The following DGCR2 variants were observed in gnomAD, a reference collection of about 807,000 sequenced individuals.
The protein encoded by DGCR2 is DiGeorge syndrome critical region gene 2, also known as integral membrane protein DGCR2/IDD.
DGCR2 carries 24 observed loss-of-function variants against 51.6 expected under a neutral mutation model. That is an observed-to-expected ratio of 0.47 (90% CI 0.34 to 0.65). DGCR2 has a LOEUF of 0.65. Among genes scored for constraint, DGCR2 ranks in the 30% least tolerant of loss-of-function variants. The pLI is 0.01. For synonymous variants in DGCR2, 340 were observed against 315.4 expected (o/e 1.08, Z -0.82); for missense variants, 765 against 772.1 (o/e 0.99, Z 0.11).
intron 2 of DGCR2, among the ~76,000 whole-genome samples, chr22:19,085,127 T>C (rs1414476777): frequency 2.1e-5 from 3 of 144,636 alleles, no homozygotes; most frequent in African/African-American, 2.6e-5. Context: ...AAAACAAAGA[T>C]GGTTCCACTG....
At position 19,039,108 on chromosome 22, in the gene DGCR2, A is replaced by G. The variant is rs745805181; in HGVS notation, c.1410T>C (p.Phe470=). The change falls in exon 10 of 10, where the codon TTT becomes TTC. Residue 470 remains phenylalanine (F), a synonymous_variant. Coordinates refer to ENST00000263196, the MANE Select transcript of DGCR2 (RefSeq NM_005137.3). The part of the protein sequence containing the change: ...VFYDPADDDA[F]EPVEVSLPAP... ...CTGGCAGGCTGACCTCCACAGGCTC[A>G]AAAGCATCATCGTCTGCAGGAAGAG... 1 of 1,613,076 alleles carries G rather than the reference A, an allele frequency of 6.2e-7. No homozygotes were observed. The highest frequency in any genetic ancestry group is 1.1e-5 in the South Asian group (1 of 91,078).
intron 2 of DGCR2, among the ~76,000 whole-genome samples, chr22:19,072,235 A>C (rs1201162311): frequency 6.6e-6 from 1 of 152,174 alleles, no homozygotes; most frequent in Non-Finnish European, 1.5e-5. Context: ...TCTTCCACTA[A>C]GCTCTCAGAA....
At chr22:19,052,455 A>AG (rs1237000576) in intron 6 of DGCR2, among the ~76,000 whole-genome samples, 4 of 151,532 alleles carry the variant, frequency 2.6e-5, no homozygotes, top group African/African-American at 9.7e-5. Flanking sequence ...AAAAAAAGAA[A>AG]AAAGAAAACA....
intron 1 of DGCR2, 145 bp downstream of exon 1, chr22:19,121,983 C>A: frequency 2.5e-6 from 1 of 398,280 alleles, no homozygotes. Flanking sequence ...GCAGAGAGTG[C>A]CAGGCGGCCC....
intron 4 of DGCR2, among the ~76,000 whole-genome samples, chr22:19,063,887 G>C (rs2082717466): frequency 6.6e-6 from 1 of 152,182 alleles, no homozygotes; most frequent in Non-Finnish European, 1.5e-5. Context: ...GCACTCCACA[G>C]GGGAGATTTT....
chr22:19,073,636 T>C (rs546593009), intron 2 of DGCR2, among the ~76,000 whole-genome samples: 1 of 152,262 alleles, frequency 6.6e-6, no homozygotes, highest in Non-Finnish European at 1.5e-5. Flanking sequence ...AACACTGGTG[T>C]TGGAGTAAAA....
chr22:19,059,913 G>A (rs1263078360), intron 5 of DGCR2, among the ~76,000 whole-genome samples: 1 of 152,016 alleles, frequency 6.6e-6, no homozygotes, highest in Non-Finnish European at 1.5e-5. Flanking sequence ...CCCATTGTTC[G>A]AGTGGTGGGG....
chr22:19,063,163 G>T, intron 5 of DGCR2, 39 bp downstream of exon 5: 1 of 1,590,742 alleles, frequency 6.3e-7, no homozygotes, highest in Non-Finnish European at 8.6e-7. Context: ...GGGTGACTCT[G>T]CCCAGCTTCA....
intron 1 of DGCR2, among the ~76,000 whole-genome samples, chr22:19,105,388 G>T (rs2083251082): frequency 6.6e-6 from 1 of 152,180 alleles, no homozygotes; most frequent in African/African-American, 2.4e-5. Flanking sequence ...ACAAAACAGA[G>T]GGCATATTGC....
At chr22:19,060,088 C>T (rs2082644483) in intron 5 of DGCR2, among the ~76,000 whole-genome samples, 1 of 152,222 alleles carries the variant, frequency 6.6e-6, no homozygotes, top group Non-Finnish European at 1.5e-5. Flanking sequence ...TGTCTCCCCT[C>T]CAAGAACTGT....
At chr22:19,052,414 TCACACA>T (rs34670843) in intron 6 of DGCR2, among the ~76,000 whole-genome samples, 5,455 of 148,622 alleles carry the variant, frequency 0.037, 297 homozygotes, top group African/African-American at 0.13. Context: ...AGACTCTGTC[TCACACA>T]CACACACACA....
intron 5 of DGCR2, among the ~76,000 whole-genome samples, chr22:19,062,774 T>TTTTTTCTCTCTCCCTC (rs1569052709): frequency 8.8e-6 from 1 of 113,872 alleles, no homozygotes; most frequent in Non-Finnish European, 1.9e-5. Context: ...CACACATGCA[T>TTTTTTCTCTCTCCCTC]GCTCACTCTC....
chr22:19,091,668 C>T (rs2083080202), intron 1 of DGCR2, among the ~76,000 whole-genome samples: 2 of 151,828 alleles, frequency 1.3e-5, no homozygotes, highest in Non-Finnish European at 2.9e-5. Flanking sequence ...TCCCAGCATT[C>T]TGGGAGGCTG....
At chr22:19,081,437 G>A (rs947386056) in intron 2 of DGCR2, among the ~76,000 whole-genome samples, 6 of 152,150 alleles carry the variant, frequency 3.9e-5, no homozygotes, top group Non-Finnish European at 8.8e-5. Flanking sequence ...TTTAGCTGAC[G>A]TTCTGTTTTC....
intron 1 of DGCR2, among the ~76,000 whole-genome samples, chr22:19,118,091 G>C (rs777510346): frequency 7.2e-5 from 11 of 152,018 alleles, no homozygotes; most frequent in Non-Finnish European, 1.6e-4. Flanking sequence ...ACTCCAGCCG[G>C]GGAGAGGTGG....
chr22:19,048,759 T>C, intron 6 of DGCR2, 116 bp from the exon 7 acceptor site: 3 of 1,004,990 alleles, frequency 3.0e-6, no homozygotes, highest in Non-Finnish European at 4.5e-6. Flanking sequence ...GAATGCTACC[T>C]GTTACCTTAG....
rs2082519766 is a variant in DGCR2, at chr22:19,048,925, A to T, written c.803-282T>A. ...CCCACCTGGGCCTGGGGAACGAACA[A>T]GGCAACTGAAGACTTGGCCAGATTG... is the stretch of plus-strand genomic sequence containing the variant. On this transcript the variant is annotated intron_variant, in intron 6 of 9. Transcript: ENST00000263196. Among the ~76,000 whole-genome samples, 3 of 152,200 alleles carry T rather than the reference A, an allele frequency of 2.0e-5. No homozygotes were observed. The South Asian group carries it at 6.2e-4, about 31-fold the overall frequency.
chr22:19,101,823 G>A (rs551513369), intron 1 of DGCR2, among the ~76,000 whole-genome samples: 3 of 151,882 alleles, frequency 2.0e-5, no homozygotes, highest in Admixed American at 2.0e-4. Flanking sequence ...GGGAGGCCGA[G>A]GCAGGTGGAT....
chr22:19,074,670 T>C (rs2082854694), intron 2 of DGCR2, among the ~76,000 whole-genome samples: 1 of 152,216 alleles, frequency 6.6e-6, no homozygotes, highest in Non-Finnish European at 1.5e-5. Context: ...TCATAGGGTT[T>C]GCTATTAAAA....
Sources: allele counts gnomAD v4.1 joint callset (sites outside exome capture counted in the v4.1 genomes callset), GRCh38; gene constraint gnomAD v4.1.1; transcripts MANE v1.5; gene names NCBI Gene and HGNC (gene_info 2026-07-23, HGNC 2026-07-21).